GRB10: variants seen among roughly 807,000 people sequenced by gnomAD.
The protein encoded by GRB10 is growth factor receptor bound protein 10, also known as growth factor receptor-bound protein 10.
In GRB10, 20 loss-of-function variants were observed where a neutral mutation model predicts 80.9. The ratio of observed to expected loss-of-function variants is 0.25; its 90% CI spans 0.17 to 0.36. The LOEUF (loss-of-function observed/expected upper bound fraction) is 0.36, where lower values mean the gene tolerates loss of function less well. GRB10 is among the 10% of genes least tolerant of loss of function. The probability of loss-of-function intolerance (pLI) is 1.00; values close to 1 mark genes in which losing one functional copy is unlikely to be tolerated. For synonymous variants in GRB10, 291 were observed against 291.5 expected (o/e 1.00, Z 0.02); for missense variants, 548 against 747.7 (o/e 0.73, Z 3.12).
intron 7 of GRB10, among the ~76,000 whole-genome samples, chr7:50,664,574 C>T (rs145171905): frequency 8.2e-4 from 125 of 152,302 alleles, no homozygotes; most frequent in Admixed American, 1.4e-3. Flanking sequence ...CCCTCCCTCC[C>T]GACACCCGAG....
Position 50,782,688 on chromosome 7 carries a change from G to A in GRB10, c.-591C>T, listed in dbSNP as rs74742598. On this transcript the variant is annotated 5_prime_UTR_variant, in exon 1 of 19. Coordinates refer to ENST00000401949, the MANE Select transcript of GRB10 (RefSeq NM_001350814.2). This position sits in a 1 kb window ranked among gnomAD's most constrained non-coding sequence, Gnocchi z 6.6. Reference sequence around the variant, plus strand: ...AAAAGCGGGCCAACGCCGCCTCTGGGGACGCCATCCGGGCGAGGGTGGGAT... The same window carrying A: ...AAAAGCGGGCCAACGCCGCCTCTGGAGACGCCATCCGGGCGAGGGTGGGAT... 0.058 allele frequency: 8,768 copies of A among 151,924 alleles called. 600 individuals carry two copies. Among genetic ancestry groups the A allele is most frequent in the Admixed American group, 0.17 (2,664 of 15,256 alleles). 9.4% of individuals were successfully genotyped at this position (151,924 alleles called of 1,614,324 possible).
At chr7:50,679,388 G>A (rs1240086655) in intron 5 of GRB10, among the ~76,000 whole-genome samples, 1 of 152,152 alleles carries the variant, frequency 6.6e-6, no homozygotes, top group Non-Finnish European at 1.5e-5. Flanking sequence ...CGGGGACAGA[G>A]GATTTAACTT....
intron 8 of GRB10, among the ~76,000 whole-genome samples, chr7:50,621,200 G>A (rs565644599): frequency 6.6e-5 from 10 of 152,340 alleles, no homozygotes; most frequent in Admixed American, 1.3e-4. Flanking sequence ...GCCTCCCCTG[G>A]AAAGATCATG....
At chr7:50,738,100 T>C (rs528559871) in intron 3 of GRB10, among the ~76,000 whole-genome samples, 18 of 152,220 alleles carry the variant, frequency 1.2e-4, no homozygotes, top group Admixed American at 7.2e-4. Context: ...CTGACTGATA[T>C]AAAAAATAAA....
At chr7:50,783,457 C>G (rs1326066880), upstream of GRB10, among the ~76,000 whole-genome samples, 1 of 45,092 alleles carries the variant, frequency 2.2e-5, no homozygotes, top group Non-Finnish European at 4.0e-5. Flanking sequence ...CCACACACAT[C>G]CCACCCACCC....
At chr7:50,648,211 T>A (rs1019227025) in intron 7 of GRB10, among the ~76,000 whole-genome samples, 6 of 151,912 alleles carry the variant, frequency 3.9e-5, no homozygotes, top group Admixed American at 6.6e-5. Flanking sequence ...AGAAGGAAAG[T>A]CCAGCAAAGA....
At chr7:50,681,907 A>G (rs936189929) in intron 5 of GRB10, among the ~76,000 whole-genome samples, 6 of 152,156 alleles carry the variant, frequency 3.9e-5, no homozygotes, top group Non-Finnish European at 7.3e-5. Context: ...TGCCAACCTA[A>G]TAGAATTTCT....
At chr7:50,622,791 T>C (rs1027758310) in intron 8 of GRB10, among the ~76,000 whole-genome samples, 31 of 151,170 alleles carry the variant, frequency 2.1e-4, no homozygotes, top group African/African-American at 6.1e-4. Flanking sequence ...CTTTTATCTT[T>C]TTTTTTTTTT....
Position 50,669,808 on chromosome 7 carries a change from T to A in GRB10, c.418A>T (p.Asn140Tyr), listed in dbSNP as rs1262197148. ...GGGCCACAGAGTTCAGGAAAAGGAT[T>A]GGGGATGGCCGGCAGAGATGAGGTT... ...FRTSSLPAIP[N>Y]PFPELCGPGS... Residue 140 changes from asparagine to tyrosine, a missense_variant, in exon 7 of 19, where the codon AAT becomes TAT. This residue lies in a region of GRB10 where 245 missense variants were observed against 229.3 expected (regional missense o/e 1.07). Coordinates refer to ENST00000401949, the MANE Select transcript of GRB10 (RefSeq NM_001350814.2). The A allele has an allele frequency of 6.2e-7, 1 of 1,613,902 alleles. No individual in the cohort carries two copies. The highest frequency in any genetic ancestry group is 8.5e-7 in the Non-Finnish European group (1 of 1,179,986).
chr7:50,763,714 C>A (rs1012843953), intron 2 of GRB10, among the ~76,000 whole-genome samples: 2 of 152,256 alleles, frequency 1.3e-5, no homozygotes, highest in South Asian at 2.1e-4. Context: ...CTTCTGCCTT[C>A]CATCCATGTA....
intron 4 of GRB10, among the ~76,000 whole-genome samples, chr7:50,708,680 T>G (rs1165463310): frequency 2.1e-5 from 3 of 145,548 alleles, no homozygotes; most frequent in African/African-American, 7.7e-5. Flanking sequence ...TCTGTTTTTT[T>G]TTTTTTTTTT....
At chr7:50,753,336 C>G (rs546083070) in intron 3 of GRB10, among the ~76,000 whole-genome samples, 1 of 152,306 alleles carries the variant, frequency 6.6e-6, no homozygotes, top group East Asian at 1.9e-4. Context: ...ATCTTTCTAC[C>G]AAAAATACAT....
chr7:50,793,321 CAA>C (rs1183342435), exon 1 of GRB10: 2 of 146,088 alleles, frequency 1.4e-5, no homozygotes, highest in Admixed American at 6.8e-5. Context: ...GGCCGGCGCT[CAA>C]GACTGTCCCG....
chr7:50,726,185 A>C lies in GRB10; in HGVS notation c.51+6087T>G, dbSNP rs141462194. On this transcript the variant is annotated intron_variant, in intron 4 of 18. Transcript: ENST00000401949. The stretch of plus-strand genomic sequence containing the variant: ...GGCAGAGATGGGCAGACTACTTGAG[A>C]CCAGAAGTTCAAGACCAGCCTGGCC... 4.6e-5 allele frequency: 7 copies of C among 152,400 alleles called. No individual in the cohort carries two copies. The East Asian group carries it at 1.4e-3, about 29-fold the overall frequency. The allele number at this position is 152,400 out of a possible 1,614,324, so 9.4% of individuals were successfully genotyped here.
At chr7:50,637,281 C>A (rs1461220834) in intron 7 of GRB10, among the ~76,000 whole-genome samples, 3 of 152,164 alleles carry the variant, frequency 2.0e-5, no homozygotes, top group African/African-American at 7.2e-5. Context: ...ATTTAGAAAA[C>A]CCTAAAGACA....
At chr7:50,783,522 C>A (rs2078533277), upstream of GRB10, among the ~76,000 whole-genome samples, 1 of 149,578 alleles carries the variant, frequency 6.7e-6, no homozygotes, top group Non-Finnish European at 1.5e-5. Flanking sequence ...ACACATACAC[C>A]ACACACACAC....
chr7:50,705,980 T>A (rs1333012045), intron 4 of GRB10, among the ~76,000 whole-genome samples: 1 of 152,202 alleles, frequency 6.6e-6, no homozygotes, highest in Admixed American at 6.5e-5. Context: ...ATCCCCCATC[T>A]AGTTTCTGCA....
At chr7:50,603,701 C>T (rs748747941) in intron 17 of GRB10, among the ~76,000 whole-genome samples, 5 of 152,164 alleles carry the variant, frequency 3.3e-5, no homozygotes, top group Non-Finnish European at 5.9e-5. Flanking sequence ...TTTCCATCTG[C>T]CCACTACCTT....
chr7:50,747,228 C>T (rs997867833), intron 3 of GRB10, among the ~76,000 whole-genome samples: 8 of 152,208 alleles, frequency 5.3e-5, no homozygotes, highest in Admixed American at 2.6e-4. Context: ...GACACACGAC[C>T]TATCCCTGAG....
Sources: allele counts gnomAD v4.1 joint callset (sites outside exome capture counted in the v4.1 genomes callset), GRCh38; gene constraint gnomAD v4.1.1; regional missense constraint gnomAD v4.1.1; non-coding constraint Gnocchi (gnomAD v3.1); transcripts MANE v1.5; gene names NCBI Gene and HGNC (gene_info 2026-07-23, HGNC 2026-07-21).